ZNF83: variants seen among roughly 807,000 people sequenced by gnomAD.
ZNF83 encodes zinc finger protein 83.
For missense variants in ZNF83, 552 were observed against 629.9 expected, an observed-to-expected ratio of 0.88 and a Z score of 1.32; for synonymous variants, 209 against 213.0, an observed-to-expected ratio of 0.98 and a Z score of 0.17.
At chr19:52,630,069 T>C (rs1233607011) in intron 2 of ZNF83, among the ~76,000 whole-genome samples, 4 of 151,720 alleles carry the variant, frequency 2.6e-5, no homozygotes, top group Non-Finnish European at 5.9e-5. Flanking sequence ...ATCTGGCCAC[T>C]GGGCCAAGGA....
chr19:52,630,699 T>C (rs658486), intron 2 of ZNF83, among the ~76,000 whole-genome samples: 120,072 of 151,712 alleles, frequency 0.79, 48,159 homozygotes, highest in African/African-American at 0.93. Flanking sequence ...CCCTGGCAAC[T>C]GCTCACATGC....
At chr19:52,655,292 G>A in intron 3 of ZNF83, 1 of 330,112 alleles carries the variant, frequency 3.0e-6, no homozygotes, top group Non-Finnish European at 5.5e-6. Flanking sequence ...TCTGCTCAGG[G>A]CTACCAGGGG....
chr19:52,639,466 G>A (rs2061265057), upstream of ZNF83, among the ~76,000 whole-genome samples: 1 of 109,732 alleles, frequency 9.1e-6, no homozygotes, highest in African/African-American at 3.7e-5. Flanking sequence ...TGGCCAGGCT[G>A]GAATGCGGTG....
At chr19:52,680,015 A>T (rs2061881396) in intron 1 of ZNF83, among the ~76,000 whole-genome samples, 2 of 152,112 alleles carry the variant, frequency 1.3e-5, no homozygotes, top group African/African-American at 2.4e-5. Flanking sequence ...TCCTGTCGCT[A>T]CTAAAAATAC....
At chr19:52,630,883 G>C (rs1217801871) in intron 2 of ZNF83, among the ~76,000 whole-genome samples, 2 of 152,016 alleles carry the variant, frequency 1.3e-5, no homozygotes, top group Non-Finnish European at 2.9e-5. Context: ...CCTAAAACCA[G>C]ATAAGACTTA....
chr19:52,669,522 G>A (rs2061695446), intron 1 of ZNF83, among the ~76,000 whole-genome samples: 1 of 152,174 alleles, frequency 6.6e-6, no homozygotes, highest in Non-Finnish European at 1.5e-5. Context: ...CATGATATTA[G>A]CATAAAAAGG....
intron 3 of ZNF83, among the ~76,000 whole-genome samples, chr19:52,644,567 G>C (rs1348009851): frequency 6.6e-6 from 1 of 152,164 alleles, no homozygotes; most frequent in African/African-American, 2.4e-5. Context: ...GCAAGGTTCT[G>C]ATGCCATTGA....
At chr19:52,676,129 C>T (rs551536189) in intron 1 of ZNF83, among the ~76,000 whole-genome samples, 11 of 152,304 alleles carry the variant, frequency 7.2e-5, no homozygotes, top group East Asian at 3.9e-4. Flanking sequence ...TGCAGGCGCG[C>T]GCCGCCACGC....
At chr19:52,640,174 C>A (rs1250452558), upstream of ZNF83, among the ~76,000 whole-genome samples, 1 of 152,144 alleles carries the variant, frequency 6.6e-6, no homozygotes, top group Non-Finnish European at 1.5e-5. Context: ...CGCCTACAAT[C>A]CGACAGAAAC....
In ZNF83 at chr19:52,653,005, T is replaced by C. The variant is rs531686805; in HGVS notation, c.-74+2556A>G. 48 of 1,397,314 alleles carry C rather than the reference T, an allele frequency of 3.4e-5. No individual in the cohort carries two copies. In the Admixed American group the frequency reaches 7.8e-4, roughly 23 times the overall value. 86.6% of individuals were successfully genotyped at this position (1,397,314 alleles called of 1,614,324 possible). A position where few individuals can be genotyped will look rare whatever the true frequency, so the allele number is the denominator to read the frequency against. ...AGGTTTCTCTCCAGTATGAACTCTC[T>C]GATGTTGTGCAAGGTTTGACTGTTG... On this transcript the variant is annotated intron_variant, in intron 3 of 5. Coordinates refer to the ZNF83 transcript ENST00000594682.
chr19:52,635,970 AAAC>A (rs1024751035), intron 1 of ZNF83: 1 of 142,372 alleles, frequency 7.0e-6, no homozygotes, highest in African/African-American at 2.7e-5. Context: ...CCAGCCTGGG[AAAC>A]AACAGGGAAA....
At chr19:52,615,306 T>C (rs1464754282) in intron 2 of ZNF83, among the ~76,000 whole-genome samples, 1 of 150,216 alleles carries the variant, frequency 6.7e-6, no homozygotes, top group African/African-American at 2.5e-5. Context: ...TATTATGTTA[T>C]TGCAAGTGGG....
At chr19:52,627,366 G>A (rs492179) in intron 2 of ZNF83, among the ~76,000 whole-genome samples, 107,351 of 151,044 alleles carry the variant, frequency 0.71, 38,388 homozygotes, top group African/African-American at 0.8. Context: ...GCATAAAAAA[G>A]AAAAACTATT....
intron 1 of ZNF83, among the ~76,000 whole-genome samples, chr19:52,663,554 G>A (rs1257079419): frequency 1.3e-5 from 2 of 152,184 alleles, no homozygotes; most frequent in Non-Finnish European, 2.9e-5. Context: ...AGAAAATGGA[G>A]TAATAGGCTA....
chr19:52,669,157 T>C (rs966335792), intron 1 of ZNF83, among the ~76,000 whole-genome samples: 9 of 152,246 alleles, frequency 5.9e-5, no homozygotes, highest in African/African-American at 2.2e-4. Context: ...GTGGCACTTA[T>C]GCTTTAGTCC....
At chr19:52,650,251 A>T (rs1422582413) in intron 3 of ZNF83, among the ~76,000 whole-genome samples, 2 of 100,600 alleles carry the variant, frequency 2.0e-5, no homozygotes, top group African/African-American at 4.5e-5. Flanking sequence ...TGAGCTTGTT[A>T]CTTTTCTTTC....
intron 2 of ZNF83, among the ~76,000 whole-genome samples, chr19:52,630,994 T>C (rs189452520): frequency 0.19 from 28,172 of 147,088 alleles, 2,872 homozygotes; most frequent in Middle Eastern, 0.24. Context: ...TACCTGCCTC[T>C]ACTACCCATT....
At chr19:52,682,845 G>A (rs2061944677) in intron 1 of ZNF83, among the ~76,000 whole-genome samples, 2 of 152,006 alleles carry the variant, frequency 1.3e-5, no homozygotes, top group African/African-American at 2.4e-5. Context: ...TCCAGACCTG[G>A]GCCACAGAGC....
intron 3 of ZNF83, chr19:52,653,328 A>T (rs867663847): frequency 1.8e-5 from 23 of 1,285,000 alleles, no homozygotes; most frequent in East Asian, 1.6e-4. Context: ...GTTTCTCTCC[A>T]GTATGAACTC....
Sources: allele counts gnomAD v4.1 joint callset (sites outside exome capture counted in the v4.1 genomes callset), GRCh38; gene constraint gnomAD v4.1.1; transcripts MANE v1.5; gene names NCBI Gene and HGNC (gene_info 2026-07-23, HGNC 2026-07-21).